The following CMYA5 variants were observed in gnomAD, a reference collection of about 807,000 sequenced individuals.
CMYA5 encodes the protein cardiomyopathy associated 5.
A neutral mutation model predicts 318.9 loss-of-function variants in CMYA5; 246 were observed. The observed-to-expected ratio is 0.77, with a 90% CI of 0.70 to 0.86. The LOEUF (loss-of-function observed/expected upper bound fraction) is 0.86. CMYA5 is among the 40% of genes least tolerant of loss of function. The pLI, the probability that CMYA5 is intolerant of heterozygous loss-of-function variation, is 0.00. For synonymous variants in CMYA5, 1,641 were observed against 1,729.5 expected, an observed-to-expected ratio of 0.95 and a Z score of 1.27; for missense variants, 4,589 against 4,678.2, an observed-to-expected ratio of 0.98 and a Z score of 0.56.
rs1828087396 is a variant in CMYA5, at chr5:79,737,026, T to C, written c.8261T>C (p.Met2754Thr). Residue 2754 changes from methionine (M) to threonine (T), a missense_variant, in exon 2 of 13, where the codon ATG becomes ACG. Around this residue, in one of 3 missense-constraint regions of CMYA5, gnomAD observed 2,431 missense variants for 2,495.1 expected, o/e 0.97. Coordinates refer to ENST00000446378, the MANE Select transcript of CMYA5 (RefSeq NM_153610.5). ...NLVLEKSSRD[M>T]PDHSEEKEQF... ...GTGTTAGAAAAGTCAAGCAGAGATA[T>C]GCCAGATCACAGTGAAGAAAAAGAA... The C allele has an allele frequency of 1.2e-6, 2 of 1,613,642 alleles. No homozygotes were observed. The highest frequency in any genetic ancestry group is 1.7e-6 in the Non-Finnish European group (2 of 1,179,792).
At chr5:79,715,327 A>G (rs6867882) in intron 1 of CMYA5, among the ~76,000 whole-genome samples, 68,361 of 150,322 alleles carry the variant, frequency 0.45, 16,419 homozygotes, top group African/African-American at 0.61. Context: ...TCGCTCTGTC[A>G]CCCAGGCTGG....
chr5:79,763,678 CATGAA>C (rs1324852359), intron 9 of CMYA5, among the ~76,000 whole-genome samples: 1 of 152,170 alleles, frequency 6.6e-6, no homozygotes, highest in Non-Finnish European at 1.5e-5. Flanking sequence ...TCTCCAAAAG[CATGAA>C]ATATGTAAAG....
chr5:79,756,083 G>A (rs1382994998), intron 6 of CMYA5, among the ~76,000 whole-genome samples: 1 of 152,152 alleles, frequency 6.6e-6, no homozygotes, highest in Non-Finnish European at 1.5e-5. Context: ...ATTCTGCTTG[G>A]TCCTTTCATA....
At chr5:79,754,416 G>C (rs1580788327) in intron 6 of CMYA5, among the ~76,000 whole-genome samples, 1 of 152,310 alleles carries the variant, frequency 6.6e-6, no homozygotes, top group African/African-American at 2.4e-5. Context: ...CATAACCCAA[G>C]GAGGTAGGTT....
intron 1 of CMYA5, among the ~76,000 whole-genome samples, chr5:79,694,781 T>C (rs1206324461): frequency 6.6e-6 from 1 of 152,192 alleles, no homozygotes; most frequent in Non-Finnish European, 1.5e-5. Flanking sequence ...ACAGATGTGC[T>C]TACCTAGGTG....
intron 1 of CMYA5, among the ~76,000 whole-genome samples, chr5:79,708,447 C>T (rs531629418): frequency 7.9e-5 from 12 of 152,182 alleles, no homozygotes; most frequent in Admixed American, 7.8e-4. Flanking sequence ...CAGTGAAACC[C>T]TGTCTCTACT....
intron 1 of CMYA5, among the ~76,000 whole-genome samples, chr5:79,698,171 G>T (rs931421702): frequency 6.6e-5 from 10 of 152,030 alleles, no homozygotes; most frequent in Non-Finnish European, 1.3e-4. Flanking sequence ...TTTCCAAGAG[G>T]ACATGAGAAG....
chr5:79,733,714 G>A lies in CMYA5; in HGVS notation c.4949G>A (p.Gly1650Glu). The A allele has an allele frequency of 6.2e-7, 1 of 1,613,826 alleles. No homozygotes were observed. The highest frequency in any genetic ancestry group is 8.5e-7 in the Non-Finnish European group (1 of 1,179,836). The change falls in exon 2 of 13, where the codon GGA (glycine) becomes GAA (glutamate). Residue 1650 changes from glycine to glutamate, a missense_variant. Coordinates refer to ENST00000446378, the MANE Select transcript of CMYA5 (RefSeq NM_153610.5). ...EFSSDLGRQS[G>E]SIGTKQAKSP... is the part of the protein sequence containing the mutation. ...TCTAGTGATTTAGGTAGACAAAGTG[G>A]ATCCATAGGTACAAAACAAGCAAAG... is the stretch of plus-strand genomic sequence containing the variant.
chr5:79,697,090 A>G (rs1827082339), intron 1 of CMYA5, among the ~76,000 whole-genome samples: 1 of 152,232 alleles, frequency 6.6e-6, no homozygotes, highest in African/African-American at 2.4e-5. Context: ...TGTGCCACGC[A>G]ATATAAACAT....
At chr5:79,700,261 A>G (rs1827148752) in intron 1 of CMYA5, among the ~76,000 whole-genome samples, 1 of 152,232 alleles carries the variant, frequency 6.6e-6, no homozygotes, top group African/African-American at 2.4e-5. Flanking sequence ...CAACACTGCC[A>G]CCAAACAGGT....
Position 79,739,071 on chromosome 5 carries a change from A to G in CMYA5, c.10306A>G (p.Ile3436Val). Reference sequence around the variant, plus strand: ...GCATAATGAAGTGGTTCCTCAAGACATATTATCAGAAGAACTGTCTTCAGA... The same window carrying G: ...GCATAATGAAGTGGTTCCTCAAGACGTATTATCAGAAGAACTGTCTTCAGA... ...SLHNEVVPQD[I>V]LSEELSSEST... is the part of the protein sequence containing the mutation. Residue 3436 changes from isoleucine to valine, a missense_variant, in exon 2 of 13, where the codon ATA becomes GTA. Around this residue, in one of 3 missense-constraint regions of CMYA5, gnomAD observed 2,431 missense variants for 2,495.1 expected, o/e 0.97. Coordinates refer to ENST00000446378, the MANE Select transcript of CMYA5 (RefSeq NM_153610.5). 2.5e-6 allele frequency: 4 copies of G among 1,613,918 alleles called. No individual in the cohort carries two copies. Among genetic ancestry groups the G allele is most frequent in the Middle Eastern group, 1.6e-4 (1 of 6,062 alleles).
intron 7 of CMYA5, among the ~76,000 whole-genome samples, chr5:79,759,423 A>T (rs1306865509): frequency 6.6e-6 from 1 of 152,252 alleles, no homozygotes; most frequent in Non-Finnish European, 1.5e-5. Flanking sequence ...CACAAGATTC[A>T]TTCAGTGTTC....
chr5:79,732,704 T>C lies in CMYA5; in HGVS notation c.3939T>C (p.Pro1313=), dbSNP rs1827945973. Residue 1313 remains proline (P), a synonymous_variant, in exon 2 of 13, where the codon CCT becomes CCC. Transcript: ENST00000446378. The part of the protein sequence containing the change: ...MKHDSKITTT[P]IVLHSASSGV... ...ATGATTCCAAAATAACAACTACACC[T>C]ATAGTGCTTCATTCAGCTTCCTCAG... is the stretch of plus-strand genomic sequence containing the variant. The C allele has an allele frequency of 5.0e-6, 8 of 1,613,568 alleles. No homozygotes were observed. Among genetic ancestry groups the C allele is most frequent in the Non-Finnish European group, 6.8e-6 (8 of 1,179,758 alleles).
chr5:79,736,486 T>C lies in CMYA5; in HGVS notation c.7721T>C (p.Ile2574Thr). 6.2e-7 allele frequency: 1 copy of C among 1,611,684 alleles called. No homozygotes were observed. The highest frequency in any genetic ancestry group is 1.3e-5 in the African/African-American group (1 of 75,000). ...GAGTCTATGAGTAGAGAATCAGATA[T>C]CTCTTTAGGTCATTCTTTGGGTGAA... is the stretch of plus-strand genomic sequence containing the variant. ...VAESMSRESD[I>T]SLGHSLGETQ... Residue 2574 changes from isoleucine to threonine, a missense_variant, in exon 2 of 13, where the codon ATC (isoleucine) becomes ACC (threonine). By Grantham distance (89) the Ile-to-Thr change is moderately conservative. Transcript: ENST00000446378.
Position 79,737,036 on chromosome 5 carries a change from C to T in CMYA5, c.8271C>T (p.His2757=), listed in dbSNP as rs780967679. The T allele has an allele frequency of 2.5e-6, 4 of 1,613,472 alleles. No homozygotes were observed. The highest frequency in any genetic ancestry group is 3.4e-6 in the Non-Finnish European group (4 of 1,179,752). The change falls in exon 2 of 13, where the codon CAC becomes CAT. Residue 2757 remains histidine (H), a synonymous_variant. Transcript: ENST00000446378. ...AGTCAAGCAGAGATATGCCAGATCA[C>T]AGTGAAGAAAAAGAACAGTTCAAAG... ...LEKSSRDMPD[H]SEEKEQFKES... is the part of the protein sequence containing the mutation.
At chr5:79,769,673 G>A (rs530257698) in intron 9 of CMYA5, among the ~76,000 whole-genome samples, 1 of 152,264 alleles carries the variant, frequency 6.6e-6, no homozygotes, top group African/African-American at 2.4e-5. Flanking sequence ...TCCTCCGGAA[G>A]CTTCATCCCA....
intron 9 of CMYA5, among the ~76,000 whole-genome samples, chr5:79,788,316 G>A (rs147784581): frequency 7.6e-4 from 116 of 151,962 alleles, no homozygotes; most frequent in African/African-American, 2.8e-3. Flanking sequence ...GGCAGATTCA[G>A]AGAGCTCCGT....
intron 1 of CMYA5, among the ~76,000 whole-genome samples, chr5:79,704,537 A>G (rs1381918697): frequency 6.6e-6 from 1 of 152,112 alleles, no homozygotes; most frequent in Non-Finnish European, 1.5e-5. Flanking sequence ...GTTCTCTTGG[A>G]TATAGATATT....
At chr5:79,778,861 G>T (rs1580803561) in intron 9 of CMYA5, among the ~76,000 whole-genome samples, 1 of 83,644 alleles carries the variant, frequency 1.2e-5, no homozygotes, top group Non-Finnish European at 2.2e-5. Flanking sequence ...ATGTTTTTTT[G>T]TAGTAGCCAA....
Sources: allele counts gnomAD v4.1 joint callset (sites outside exome capture counted in the v4.1 genomes callset), GRCh38; gene constraint gnomAD v4.1.1; regional missense constraint gnomAD v4.1.1; transcripts MANE v1.5; gene names NCBI Gene and HGNC (gene_info 2026-07-23, HGNC 2026-07-21).